Variants in MRPL44 observed in about 807,000 individuals in gnomAD.
MRPL44 encodes large ribosomal subunit protein mL44.
In MRPL44, 21 loss-of-function variants were observed where a neutral mutation model predicts 25.9. The observed-to-expected ratio is 0.81, with a 90% confidence interval of 0.58 to 1.17. The LOEUF (loss-of-function observed/expected upper bound fraction) is 1.17. MRPL44 is among the 50% of genes most tolerant of loss of function. The pLI, the probability that MRPL44 is intolerant of heterozygous loss-of-function variation, is 0.00. For missense variants in MRPL44, 410 were observed against 398.9 expected, an observed-to-expected ratio of 1.03 and a Z score of -0.24; for synonymous variants, 169 against 151.0, an observed-to-expected ratio of 1.12 and a Z score of -0.87.
At chr2:223,959,343 A>G (rs1574793807) in intron 1 of MRPL44, among the ~76,000 whole-genome samples, 191 bp from the exon 2 acceptor site, 1 of 152,248 alleles carries the variant, frequency 6.6e-6, no homozygotes, top group Non-Finnish European at 1.5e-5. Context: ...TATGTAGAAT[A>G]TAGCAAAGGA....
chr2:223,959,465 G>T, intron 1 of MRPL44, 69 bp from the exon 2 acceptor site: 1 of 1,213,380 alleles, frequency 8.2e-7, no homozygotes, highest in Non-Finnish European at 1.2e-6. Flanking sequence ...TTACAACACA[G>T]TGAACAATTT....
upstream of MRPL44, among the ~76,000 whole-genome samples, chr2:223,955,496 T>C (rs961728206): frequency 4.6e-5 from 7 of 152,242 alleles, 1 homozygote; most frequent in African/African-American, 1.7e-4. Context: ...TTACTAACTT[T>C]GTTATCCATC....
chr2:223,957,220 C>T (rs1431047631), upstream of MRPL44, among the ~76,000 whole-genome samples: 2 of 152,262 alleles, frequency 1.3e-5, no homozygotes, highest in African/African-American at 4.8e-5. Context: ...GGCGCAAACG[C>T]CCTCAAGTCC....
chr2:223,958,031 T>A (rs922480067), intron 1 of MRPL44, among the ~76,000 whole-genome samples: 8 of 151,992 alleles, frequency 5.3e-5, no homozygotes, highest in Non-Finnish European at 1.5e-5. Context: ...AGAAAAAAAA[T>A]TAATCTACAA....
At chr2:223,964,360 A>C (rs529730456) in intron 3 of MRPL44, among the ~76,000 whole-genome samples, 1 of 152,302 alleles carries the variant, frequency 6.6e-6, no homozygotes, top group Non-Finnish European at 1.5e-5. Flanking sequence ...GTGTAAATCA[A>C]CCCATGTTGA....
chr2:223,962,627 G>A (rs961985067), intron 2 of MRPL44, among the ~76,000 whole-genome samples: 4 of 152,022 alleles, frequency 2.6e-5, no homozygotes, highest in African/African-American at 7.3e-5. Context: ...AGTTATCTTC[G>A]TCATATAAAT....
At position 223,960,013 on chromosome 2, in the gene MRPL44, A is replaced by G. The variant is rs540474651; in HGVS notation, c.648+11A>G. 14 of 1,570,454 alleles carry G rather than the reference A, an allele frequency of 8.9e-6. No homozygotes were observed. The African/African-American group carries it at 1.8e-4, about 20-fold the overall frequency. ...GCACTTTTCATCAGGGTACGTAACTATTAATTGGACATGCTTGAGATAGAC... is the reference window on the plus strand; with the variant it reads ...GCACTTTTCATCAGGGTACGTAACTGTTAATTGGACATGCTTGAGATAGAC... On this transcript the variant is annotated intron_variant, in intron 2 of 3. Transcript: ENST00000258383.
chr2:223,952,607 G>A (rs532199986), upstream of MRPL44, among the ~76,000 whole-genome samples: 5 of 152,110 alleles, frequency 3.3e-5, no homozygotes, highest in African/African-American at 4.8e-5. Flanking sequence ...TAAAGCCTCC[G>A]TTGTACATAT....
chr2:223,965,980 G>A (rs1689734494), intron 3 of MRPL44: 1 of 151,926 alleles, frequency 6.6e-6, no homozygotes, highest in Non-Finnish European at 1.5e-5. Flanking sequence ...TTAAAGCTGT[G>A]AGCCACTGGG....
At chr2:223,962,326 C>G (rs914196790) in intron 2 of MRPL44, among the ~76,000 whole-genome samples, 33 of 152,130 alleles carry the variant, frequency 2.2e-4, no homozygotes, top group Non-Finnish European at 8.8e-5. Context: ...CCACGCCTGG[C>G]CTAATATTTT....
upstream of MRPL44, among the ~76,000 whole-genome samples, chr2:223,957,250 C>CG (rs375945830): frequency 2.4e-4 from 36 of 152,336 alleles, no homozygotes; most frequent in East Asian, 6.8e-3. Context: ...GAAAGTAACT[C>CG]GAAGAGAGGA....
Position 223,966,969 on chromosome 2 carries a change from C to T in MRPL44, c.934C>T (p.Arg312Trp), listed in dbSNP as rs774482943. Residue 312 changes from arginine (R) to tryptophan (W), a missense_variant, in exon 4 of 4, where the codon CGG (arginine) becomes TGG (tryptophan). Transcript: ENST00000258383. ...RKLYGFTENRRPWNYSKPKET... is the reference protein window; with the variant it reads ...RKLYGFTENRWPWNYSKPKET... ...ACTTTATGGATTCACAGAAAATAGA[C>T]GGCCGTGGAACTATTCCAAGCCCAA... is the stretch of plus-strand genomic sequence containing the variant. The T allele has an allele frequency of 2.7e-5, 44 of 1,613,896 alleles. No individual in the cohort carries two copies. The highest frequency in any genetic ancestry group is 3.3e-4 in the Middle Eastern group (2 of 6,076).
chr2:223,952,511 C>CCTTTGTT (rs1399557661), upstream of MRPL44, among the ~76,000 whole-genome samples: 2 of 152,116 alleles, frequency 1.3e-5, no homozygotes, highest in Non-Finnish European at 2.9e-5. Flanking sequence ...ATCTGGTGTG[C>CCTTTGTT]CTTTGTTCTC....
Position 223,961,011 on chromosome 2 carries a change from A to G in MRPL44, c.648+1009A>G, listed in dbSNP as rs576677099. On this transcript the variant is annotated intron_variant, in intron 2 of 3. Transcript: ENST00000258383. The stretch of plus-strand genomic sequence containing the variant: ...TAAGTTGAGCTTTGATGTCTCTTAT[A>G]GTAGAATTGACAGGTTTGTATTGTC... Among the ~76,000 whole-genome samples the G allele has an allele frequency of 2.4e-4, 36 of 152,348 alleles. No homozygotes were observed. In the South Asian group the frequency reaches 3.9e-3, roughly 17 times the overall value.
chr2:223,953,384 C>G (rs1384181275), upstream of MRPL44, among the ~76,000 whole-genome samples: 2 of 152,064 alleles, frequency 1.3e-5, no homozygotes, highest in Non-Finnish European at 2.9e-5. Context: ...CCGCCTGCCT[C>G]GGCCTCCCAA....
chr2:223,952,063 G>A, the MRPL44 span, among the ~76,000 whole-genome samples: 3 of 152,120 alleles, frequency 2.0e-5, no homozygotes, highest in South Asian at 2.1e-4. Flanking sequence ...CAGGCTAGCC[G>A]TTTGCCTATT....
chr2:223,951,621 G>C, the MRPL44 span, among the ~76,000 whole-genome samples: 1 of 151,928 alleles, frequency 6.6e-6, no homozygotes, highest in African/African-American at 2.4e-5. Context: ...TGGGATTACA[G>C]GTACATGCCA....
chr2:223,964,178 T>C (rs979107828), intron 3 of MRPL44, among the ~76,000 whole-genome samples: 2 of 152,262 alleles, frequency 1.3e-5, no homozygotes, highest in Non-Finnish European at 2.9e-5. Flanking sequence ...CTAATAGCTT[T>C]TGTCAGCCAA....
chr2:223,963,421 G>A (rs1209966711), intron 2 of MRPL44, among the ~76,000 whole-genome samples: 1 of 151,684 alleles, frequency 6.6e-6, no homozygotes. Flanking sequence ...CTCTAGCCTA[G>A]GCAATAGAGT....
Sources: allele counts gnomAD v4.1 joint callset (sites outside exome capture counted in the v4.1 genomes callset), GRCh38; gene constraint gnomAD v4.1.1; transcripts MANE v1.5; gene names NCBI Gene and HGNC (gene_info 2026-07-23, HGNC 2026-07-21).